The following ATP13A4 variants were observed in gnomAD, a reference collection of about 807,000 sequenced individuals.
The protein encoded by ATP13A4 is probable cation-transporting ATPase 13A4.
In ATP13A4, 114 loss-of-function variants were observed where a neutral mutation model predicts 142.5. That is an observed-to-expected ratio of 0.80 (90% CI 0.69 to 0.93). ATP13A4 has a LOEUF of 0.93. Among genes scored for constraint, ATP13A4 ranks in the 40% least tolerant of loss-of-function variants. The pLI is 0.00. For synonymous variants in ATP13A4, 488 were observed against 514.8 expected (o/e 0.95, Z 0.70); for missense variants, 1,392 against 1,454.0 (o/e 0.96, Z 0.69).
chr3:193,576,426 C>G (rs960846373), intron 2 of ATP13A4, among the ~76,000 whole-genome samples: 2 of 149,912 alleles, frequency 1.3e-5, no homozygotes, highest in Admixed American at 1.3e-4. Flanking sequence ...CGCCCGCCAC[C>G]GCGCCCGGCT....
At chr3:193,491,559 G>C (rs1242106674) in intron 5 of ATP13A4, among the ~76,000 whole-genome samples, 161 bp from the exon 6 acceptor site, 1 of 152,212 alleles carries the variant, frequency 6.6e-6, no homozygotes, top group East Asian at 1.9e-4. Flanking sequence ...CAAAATAATG[G>C]GAGGTGAGGG....
At chr3:193,453,924 C>CT (rs1717426271) in intron 17 of ATP13A4, among the ~76,000 whole-genome samples, 177 bp downstream of exon 17, 1 of 152,204 alleles carries the variant, frequency 6.6e-6, no homozygotes, top group Non-Finnish European at 1.5e-5. Flanking sequence ...GCAGGGATTA[C>CT]TATATCCCTA....
chr3:193,520,697 A>G (rs1461710562), intron 1 of ATP13A4, among the ~76,000 whole-genome samples: 2 of 152,172 alleles, frequency 1.3e-5, no homozygotes, highest in Non-Finnish European at 2.9e-5. Context: ...GCAAAAAAAA[A>G]TTATTATTAT....
intron 8 of ATP13A4, among the ~76,000 whole-genome samples, chr3:193,483,646 G>A (rs9842804): frequency 0.49 from 74,495 of 151,362 alleles, 18,558 homozygotes; most frequent in African/African-American, 0.6. Context: ...TTGTATTTTT[G>A]GTAGAGACAG....
intron 29 of ATP13A4, among the ~76,000 whole-genome samples, chr3:193,403,071 G>T (rs2108597877): frequency 6.6e-6 from 1 of 152,294 alleles, no homozygotes; most frequent in South Asian, 2.1e-4. Context: ...TGTGGGAGAA[G>T]TAAGAGGTAC....
chr3:193,576,264 T>TCA (rs2108743898), intron 2 of ATP13A4, among the ~76,000 whole-genome samples: 1 of 117,726 alleles, frequency 8.5e-6, no homozygotes, highest in African/African-American at 3.2e-5. Flanking sequence ...TTTTTTTTTT[T>TCA]TTTTTTTTTT....
At chr3:193,459,861 T>C (rs575610829) in intron 13 of ATP13A4, among the ~76,000 whole-genome samples, 2 of 152,328 alleles carry the variant, frequency 1.3e-5, no homozygotes, top group South Asian at 4.1e-4. Flanking sequence ...TAAAAAGCTA[T>C]TAAAATACAA....
At chr3:193,571,222 T>C (rs922077552) in intron 2 of ATP13A4, among the ~76,000 whole-genome samples, 1 of 144,594 alleles carries the variant, frequency 6.9e-6, no homozygotes, top group African/African-American at 2.7e-5. Flanking sequence ...AGGTTGCCAG[T>C]GAGCCGAGAT....
chr3:193,511,599 A>G (rs1043624600), intron 2 of ATP13A4, among the ~76,000 whole-genome samples: 1 of 152,198 alleles, frequency 6.6e-6, no homozygotes, highest in African/African-American at 2.4e-5. Flanking sequence ...CACACACACA[A>G]TCAAAGTGGT....
chr3:193,551,726 C>A (rs1723578739), intron 1 of ATP13A4, among the ~76,000 whole-genome samples: 1 of 152,192 alleles, frequency 6.6e-6, no homozygotes, highest in African/African-American at 2.4e-5. Flanking sequence ...CCGGTGAGAG[C>A]CAGGCCTCCC....
At chr3:193,416,705 T>C (rs1430893624) in intron 25 of ATP13A4, among the ~76,000 whole-genome samples, 1 of 151,090 alleles carries the variant, frequency 6.6e-6, no homozygotes, top group East Asian at 2.0e-4. Context: ...TAAACAAAAA[T>C]GAACAGAGCC....
At chr3:193,408,197 C>G (rs563523322) in intron 28 of ATP13A4, among the ~76,000 whole-genome samples, 1 of 152,214 alleles carries the variant, frequency 6.6e-6, no homozygotes, top group African/African-American at 2.4e-5. Context: ...TGAAACAGTT[C>G]CATAGAGGAC....
At chr3:193,494,111 G>A (rs530725903) in intron 3 of ATP13A4, among the ~76,000 whole-genome samples, 3 of 152,114 alleles carry the variant, frequency 2.0e-5, no homozygotes, top group East Asian at 3.9e-4. Flanking sequence ...CCCAACATTG[G>A]AGCACCTAAA....
At chr3:193,572,493 T>C (rs1724288457) in intron 2 of ATP13A4, among the ~76,000 whole-genome samples, 1 of 152,214 alleles carries the variant, frequency 6.6e-6, no homozygotes, top group Admixed American at 6.5e-5. Flanking sequence ...AATTTGGATC[T>C]AGATGGATGG....
In ATP13A4 at chr3:193,462,743, A is replaced by G; in HGVS notation, c.1523+19T>C. ...AGAGACACTAGAATGCATTTAGTCC[A>G]AGAGTCCAAGGTACTCACCCATTCC... is the stretch of plus-strand genomic sequence containing the variant. On this transcript the variant is annotated intron_variant, in intron 13 of 29. Coordinates refer to ENST00000342695, the MANE Select transcript of ATP13A4 (RefSeq NM_032279.4). 1 of 1,609,184 alleles carries G rather than the reference A, an allele frequency of 6.2e-7. No homozygotes were observed. The highest frequency in any genetic ancestry group is 8.5e-7 in the Non-Finnish European group (1 of 1,175,522).
intron 23 of ATP13A4, among the ~76,000 whole-genome samples, chr3:193,435,998 C>T (rs1417479439): frequency 6.6e-6 from 1 of 152,214 alleles, no homozygotes; most frequent in African/African-American, 2.4e-5. Context: ...TTTACAGTTG[C>T]TCTTGTCCTT....
chr3:193,477,015 G>A (rs557311769), intron 8 of ATP13A4, among the ~76,000 whole-genome samples: 100 of 152,092 alleles, frequency 6.6e-4, no homozygotes, highest in African/African-American at 2.2e-3. Context: ...AAAATGGCAC[G>A]GATAGACTTG....
upstream of ATP13A4, among the ~76,000 whole-genome samples, chr3:193,559,064 T>C (rs1392979031): frequency 1.3e-5 from 2 of 152,244 alleles, no homozygotes; most frequent in Non-Finnish European, 2.9e-5. Flanking sequence ...GTGGGGATGC[T>C]GATGCTTCAC....
chr3:193,404,926 A>G (rs762608714), intron 29 of ATP13A4, among the ~76,000 whole-genome samples: 15 of 152,188 alleles, frequency 9.9e-5, no homozygotes, highest in Non-Finnish European at 1.9e-4. Flanking sequence ...AAGCATACCT[A>G]TATAAACACA....
Sources: gnomAD v4.1 joint callset for allele counts (sites outside exome capture counted in the v4.1 genomes callset) on GRCh38, gnomAD v4.1.1 for gene constraint, MANE v1.5 for transcripts, NCBI Gene and HGNC (gene_info 2026-07-23, HGNC 2026-07-21) for gene names.